Variants in ABLIM1 observed in about 807,000 individuals in gnomAD.
ABLIM1 encodes actin binding LIM protein 1, also known as actin-binding LIM protein 1.
A neutral mutation model predicts 107.0 loss-of-function variants in ABLIM1; 40 were observed. The observed-to-expected ratio is 0.37, with a 90% CI of 0.29 to 0.49. The LOEUF (loss-of-function observed/expected upper bound fraction) is 0.49. ABLIM1 is among the 20% of genes least tolerant of loss of function. ABLIM1 has a pLI of 0.97. For missense variants in ABLIM1, 857 were observed against 1,008.5 expected, an observed-to-expected ratio of 0.85 and a Z score of 2.04; for synonymous variants, 357 against 357.3, an observed-to-expected ratio of 1.00 and a Z score of 0.01.
intron 6 of ABLIM1, among the ~76,000 whole-genome samples, chr10:114,532,680 A>G (rs573588371): frequency 5.7e-4 from 87 of 152,338 alleles, no homozygotes; most frequent in African/African-American, 2.0e-3. Flanking sequence ...ATTTTTCAAC[A>G]TAGACCCCTC....
intron 1 of ABLIM1, among the ~76,000 whole-genome samples, chr10:114,730,855 C>CT (rs1411172287): frequency 5.9e-5 from 9 of 152,088 alleles, no homozygotes; most frequent in African/African-American, 2.2e-4. Flanking sequence ...CACTAGTCTA[C>CT]TTTTTGTCCC....
At chr10:114,596,830 T>C (rs1473648611) in intron 2 of ABLIM1, among the ~76,000 whole-genome samples, 1 of 152,246 alleles carries the variant, frequency 6.6e-6, no homozygotes, top group Admixed American at 6.5e-5. Context: ...TTGCTTTTCA[T>C]TCCCAAACTC....
chr10:114,743,400 C>A (rs1431136837), intron 1 of ABLIM1, among the ~76,000 whole-genome samples: 1 of 152,120 alleles, frequency 6.6e-6, no homozygotes, highest in East Asian at 1.9e-4. Flanking sequence ...ACCACTTGTA[C>A]TTTTTGGAGT....
intron 8 of ABLIM1, among the ~76,000 whole-genome samples, chr10:114,486,393 A>G (rs1296732373): frequency 1.3e-5 from 2 of 152,216 alleles, no homozygotes; most frequent in Admixed American, 1.3e-4. Flanking sequence ...AAACTACTAT[A>G]GCTACTGGGG....
Position 114,619,899 on chromosome 10 carries a change from CG to C in ABLIM1, c.245-17939del, listed in dbSNP as rs1292240180. Among the ~76,000 whole-genome samples the C allele has an allele frequency of 6.6e-6, 1 of 152,144 alleles. No individual in the cohort carries two copies. On this transcript the variant is annotated intron_variant, in intron 1 of 22. Transcript: ENST00000533213. The surrounding 1 kb of genome is among the most constrained non-coding windows in gnomAD (Gnocchi z 4.1). ...ACCCAAGACAGATGACACCAAATTC[CG>C]GCCAACTTCTGTTAAGGATAAAGTG...
chr10:114,638,856 T>C (rs1184103597), intron 1 of ABLIM1, among the ~76,000 whole-genome samples: 2 of 152,168 alleles, frequency 1.3e-5, no homozygotes, highest in Non-Finnish European at 2.9e-5. Flanking sequence ...ATCATAACCT[T>C]GGTCTGTGGC....
At chr10:114,563,039 G>T (rs1245008321) in intron 4 of ABLIM1, among the ~76,000 whole-genome samples, 1 of 152,062 alleles carries the variant, frequency 6.6e-6, no homozygotes, top group Non-Finnish European at 1.5e-5. Flanking sequence ...TAAATTTAAG[G>T]GTTTCAGCCT....
the ABLIM1 span, among the ~76,000 whole-genome samples, chr10:114,784,510 C>CA: frequency 2.0e-5 from 3 of 149,980 alleles, no homozygotes; most frequent in Non-Finnish European, 4.4e-5. Flanking sequence ...ACTACAAATA[C>CA]AAAAAAATGA....
chr10:114,480,786 T>C (rs2134340122), intron 8 of ABLIM1, among the ~76,000 whole-genome samples: 1 of 152,286 alleles, frequency 6.6e-6, no homozygotes, highest in South Asian at 2.1e-4. Flanking sequence ...ACTCTATAGT[T>C]ATCTCCCCAG....
chr10:114,443,672 T>TAAAAAAAAAAAAAA (rs11418258), intron 17 of ABLIM1, among the ~76,000 whole-genome samples: 3 of 107,376 alleles, frequency 2.8e-5, no homozygotes, highest in Non-Finnish European at 5.5e-5. Context: ...TCATGTTATC[T>TAAAAAAAAAAAAAA]AAAAAAAAAA....
At chr10:114,533,445 T>C (rs573246989) in intron 6 of ABLIM1, among the ~76,000 whole-genome samples, 6 of 152,310 alleles carry the variant, frequency 3.9e-5, no homozygotes, top group African/African-American at 1.4e-4. Flanking sequence ...TCAAATCACA[T>C]GCTTAAAATC....
At chr10:114,545,656 G>T (rs2067229591) in intron 5 of ABLIM1, among the ~76,000 whole-genome samples, 1 of 152,064 alleles carries the variant, frequency 6.6e-6, no homozygotes, top group African/African-American at 2.4e-5. Context: ...CCGGCACGGT[G>T]GCTCATGCCT....
chr10:114,751,578 C>T lies in ABLIM1; in HGVS notation c.-213+16483G>A, dbSNP rs183991958. ...CATCCTGGCCAACATGGTGAAACCC[C>T]GTCTCTACTAAAAATACAAAAATTA... is the stretch of plus-strand genomic sequence containing the variant. On this transcript the variant is annotated intron_variant, in intron 1 of 15. Coordinates refer to the ABLIM1 transcript ENST00000651092. Among the ~76,000 whole-genome samples the T allele has an allele frequency of 3.7e-3, 563 of 151,708 alleles. 2 individuals carry two copies. Among genetic ancestry groups the T allele is most frequent in the African/African-American group, 0.013 (537 of 41,362 alleles).
chr10:114,548,142 T>C (rs1189663271), intron 4 of ABLIM1, among the ~76,000 whole-genome samples: 2 of 152,214 alleles, frequency 1.3e-5, no homozygotes, highest in Non-Finnish European at 2.9e-5. Context: ...CATTTATTAA[T>C]TGAGGGCACT....
intron 1 of ABLIM1, among the ~76,000 whole-genome samples, chr10:114,621,909 T>G (rs1226666901): frequency 6.6e-6 from 1 of 152,174 alleles, no homozygotes; most frequent in Non-Finnish European, 1.5e-5. Flanking sequence ...ATGCCAGAAG[T>G]GGTAGCATTT....
intron 4 of ABLIM1, among the ~76,000 whole-genome samples, chr10:114,556,338 CCT>C (rs1347820556): frequency 6.6e-6 from 1 of 152,208 alleles, no homozygotes; most frequent in Non-Finnish European, 1.5e-5. Context: ...TAGCTCAGCC[CCT>C]GACATGTGGA....
At chr10:114,453,314 G>A (rs1015515195) in intron 13 of ABLIM1, 65 bp downstream of exon 13, 14 of 1,509,574 alleles carry the variant, frequency 9.3e-6, no homozygotes, top group African/African-American at 8.2e-5. Context: ...GAGACAAGAC[G>A]AGGTTACAAG....
At chr10:114,662,825 C>A (rs1278915573), upstream of ABLIM1, among the ~76,000 whole-genome samples, 6 of 152,198 alleles carry the variant, frequency 3.9e-5, no homozygotes, top group Non-Finnish European at 7.3e-5. Flanking sequence ...TAACAGGCAC[C>A]AAGTGTCTCA....
upstream of ABLIM1, among the ~76,000 whole-genome samples, chr10:114,771,519 G>A (rs568879425): frequency 6.6e-6 from 1 of 152,256 alleles, no homozygotes; most frequent in Admixed American, 6.5e-5. Flanking sequence ...TTGGAGTTGT[G>A]ATATATGGAA....
Sources: allele counts gnomAD v4.1 joint callset (sites outside exome capture counted in the v4.1 genomes callset), GRCh38; gene constraint gnomAD v4.1.1; non-coding constraint Gnocchi (gnomAD v3.1); transcripts MANE v1.5; gene names NCBI Gene and HGNC (gene_info 2026-07-23, HGNC 2026-07-21).